Variants in L3MBTL3 observed in about 807,000 individuals in gnomAD.
The protein encoded by L3MBTL3 is lethal(3)malignant brain tumor-like protein 3.
L3MBTL3 carries 27 observed loss-of-function variants against 102.3 expected under a neutral mutation model. That is an observed-to-expected ratio of 0.26 (90% CI 0.19 to 0.36). The LOEUF is 0.36. L3MBTL3 is among the 10% of genes least tolerant of loss of function. The probability of loss-of-function intolerance (pLI) is 1.00; values close to 1 mark genes in which losing one functional copy is unlikely to be tolerated. For synonymous variants in L3MBTL3, 340 were observed against 320.9 expected, an observed-to-expected ratio of 1.06 and a Z score of -0.64; for missense variants, 798 against 955.3, an observed-to-expected ratio of 0.84 and a Z score of 2.17.
chr6:130,042,201 A>T (rs557397406), intron 2 of L3MBTL3, among the ~76,000 whole-genome samples: 54 of 152,280 alleles, frequency 3.5e-4, no homozygotes, highest in African/African-American at 1.3e-3. Flanking sequence ...TAGGTAGCCA[A>T]ATTGGTTATC....
intron 11 of L3MBTL3, among the ~76,000 whole-genome samples, 160 bp from the exon 12 acceptor site, chr6:130,068,170 A>G (rs1171789996): frequency 6.6e-6 from 1 of 152,196 alleles, no homozygotes; most frequent in African/African-American, 2.4e-5. Context: ...GAAAATAAAC[A>G]TAGTCTAAAT....
intron 10 of L3MBTL3, among the ~76,000 whole-genome samples, chr6:130,060,905 A>G (rs1749387588): frequency 6.6e-6 from 1 of 151,954 alleles, no homozygotes; most frequent in African/African-American, 2.4e-5. Context: ...AGTCTTGTGT[A>G]CTAGTTTGAG....
chr6:130,133,778 G>C lies in L3MBTL3; in HGVS notation c.2137-65G>C. The stretch of plus-strand genomic sequence containing the variant: ...CTAATGCATATGGGTTAAATGTTTT[G>C]AACCTGTAGCATTTAGATTCTGACT... On this transcript the variant is annotated intron_variant, in intron 21 of 22. Transcript: ENST00000361794. This position sits in a 1 kb window ranked among gnomAD's most constrained non-coding sequence, Gnocchi z 4.9. 6 of 1,491,826 alleles carry C rather than the reference G, an allele frequency of 4.0e-6. No individual in the cohort carries two copies. Among genetic ancestry groups the C allele is most frequent in the Non-Finnish European group, 5.6e-6 (6 of 1,070,788 alleles). The allele number at this position is 1,491,826 out of a possible 1,614,324, so 92.4% of individuals were successfully genotyped here.
intron 19 of L3MBTL3, among the ~76,000 whole-genome samples, chr6:130,109,677 GT>G: frequency 6.6e-6 from 1 of 152,140 alleles, no homozygotes; most frequent in Non-Finnish European, 1.5e-5. Context: ...TCTGATGATA[GT>G]TTCTTTTGCT....
chr6:130,095,124 A>T (rs1038105594), intron 18 of L3MBTL3, among the ~76,000 whole-genome samples: 1 of 152,322 alleles, frequency 6.6e-6, no homozygotes, highest in African/African-American at 2.4e-5. Flanking sequence ...CTATTTAGGT[A>T]TGTTTTAAAA....
chr6:130,026,489 G>A (rs1051939272), intron 2 of L3MBTL3, among the ~76,000 whole-genome samples: 8 of 152,004 alleles, frequency 5.3e-5, no homozygotes, highest in African/African-American at 1.9e-4. Context: ...CCAGATTAAG[G>A]TATGTGCTCT....
chr6:130,023,484 CT>C (rs1222323624), intron 2 of L3MBTL3, among the ~76,000 whole-genome samples: 1 of 152,110 alleles, frequency 6.6e-6, no homozygotes, highest in Non-Finnish European at 1.5e-5. Context: ...GAAGACACTG[CT>C]TATTTTTCTT....
chr6:130,117,866 T>A (rs1785832304), intron 19 of L3MBTL3, among the ~76,000 whole-genome samples: 1 of 102,424 alleles, frequency 9.8e-6, no homozygotes, highest in Non-Finnish European at 1.7e-5. Context: ...CGCCTGACTT[T>A]TTTTTTTTTT....
At chr6:130,127,817 TTAAG>T (rs2114358045) in intron 20 of L3MBTL3, among the ~76,000 whole-genome samples, 1 of 152,342 alleles carries the variant, frequency 6.6e-6, no homozygotes, top group South Asian at 2.1e-4. Context: ...TTTAGTAACA[TTAAG>T]TAGTTTATTT....
At chr6:130,061,229 C>CGCGT (rs1781883664) in intron 10 of L3MBTL3, among the ~76,000 whole-genome samples, 1 of 151,970 alleles carries the variant, frequency 6.6e-6, no homozygotes, top group South Asian at 2.1e-4. Flanking sequence ...GGACTACAGG[C>CGCGT]GCGTGCCACC....
intron 9 of L3MBTL3, 24 bp downstream of exon 9, chr6:130,057,521 A>G (rs777057237): frequency 4.5e-6 from 7 of 1,565,002 alleles, no homozygotes; most frequent in Non-Finnish European, 5.2e-6. Flanking sequence ...TAGAGACGTG[A>G]TCTGTAAGGG....
intron 5 of L3MBTL3, 128 bp from the exon 6 acceptor site, chr6:130,051,117 ATCAT>A (rs1009234257): frequency 1.4e-5 from 9 of 665,618 alleles, no homozygotes; most frequent in South Asian, 2.3e-5. Flanking sequence ...CTATCATTTG[ATCAT>A]TCATTCATTC....
At chr6:130,091,916 G>A (rs1156566202) in intron 16 of L3MBTL3, among the ~76,000 whole-genome samples, 5 of 151,802 alleles carry the variant, frequency 3.3e-5, no homozygotes, top group Admixed American at 3.3e-4. Flanking sequence ...AATAGAGTTA[G>A]ATAGAATCAG....
At chr6:130,067,416 A>G (rs1185666611) in intron 11 of L3MBTL3, among the ~76,000 whole-genome samples, 2 of 152,174 alleles carry the variant, frequency 1.3e-5, no homozygotes, top group African/African-American at 2.4e-5. Flanking sequence ...GCCCGGCCAT[A>G]TTTAGTAATA....
At chr6:130,086,327 A>G (rs1186163941) in intron 16 of L3MBTL3, 77 bp downstream of exon 16, 2 of 911,214 alleles carry the variant, frequency 2.2e-6, no homozygotes, top group African/African-American at 1.7e-5. Context: ...TAGATACTTA[A>G]CTTGTGAAGT....
intron 3 of L3MBTL3, 78 bp from the exon 4 acceptor site, chr6:130,049,204 A>C: frequency 1.3e-6 from 1 of 799,228 alleles, no homozygotes; most frequent in Non-Finnish European, 2.1e-6. Flanking sequence ...CTTGAAGACT[A>C]TATGTGTCAG....
At chr6:130,124,676 A>T (rs541833435) in intron 20 of L3MBTL3, among the ~76,000 whole-genome samples, 1 of 152,214 alleles carries the variant, frequency 6.6e-6, no homozygotes, top group Non-Finnish European at 1.5e-5. Flanking sequence ...TGATATCAAA[A>T]ATACTTAACA....
At chr6:130,054,751 G>A (rs1781350499) in intron 7 of L3MBTL3, among the ~76,000 whole-genome samples, 1 of 152,198 alleles carries the variant, frequency 6.6e-6, no homozygotes, top group Admixed American at 6.5e-5. Context: ...TGAGGGTGTG[G>A]ATTGGGAGTA....
rs770610089 is a variant in L3MBTL3, at chr6:130,139,743, A to G, written c.2333A>G (p.Asn778Ser). The change falls in exon 23 of 23, where the codon AAT (asparagine) becomes AGT (serine). Residue 778 changes from asparagine to serine, a missense_variant. Asn to Ser is a conservative substitution (Grantham distance 46). Around this residue, in one of 4 missense-constraint regions of L3MBTL3, gnomAD observed 48 missense variants for 107.0 expected, o/e 0.45. Coordinates refer to ENST00000361794, the MANE Select transcript of L3MBTL3 (RefSeq NM_032438.4). Reference sequence around the variant, plus strand: ...AAAGCTGCAGAGAAGAATTCTCACAATGAACTTTGAAGATGGTGAATTCTG... The same window carrying G: ...AAAGCTGCAGAGAAGAATTCTCACAGTGAACTTTGAAGATGGTGAATTCTG... ...MFKAAEKNSH[N>S]EL 2 of 1,613,120 alleles carry G rather than the reference A, an allele frequency of 1.2e-6. No individual in the cohort carries two copies. Among genetic ancestry groups the G allele is most frequent in the East Asian group, 2.2e-5 (1 of 44,746 alleles).
Sources: allele counts gnomAD v4.1 joint callset (sites outside exome capture counted in the v4.1 genomes callset), GRCh38; gene constraint gnomAD v4.1.1; regional missense constraint gnomAD v4.1.1; non-coding constraint Gnocchi (gnomAD v3.1); transcripts MANE v1.5; gene names NCBI Gene and HGNC (gene_info 2026-07-23, HGNC 2026-07-21).